Variants in RNF2 observed in about 807,000 individuals in gnomAD.
RNF2 encodes E3 ubiquitin-protein ligase RING2.
In RNF2, 6 loss-of-function variants were observed where a neutral mutation model predicts 37.2. The observed-to-expected ratio is 0.16, with a 90% CI of 0.09 to 0.32. RNF2 has a LOEUF of 0.32. Among genes scored for constraint, RNF2 ranks in the 10% least tolerant of loss-of-function variants. The pLI, the probability that RNF2 is intolerant of heterozygous loss-of-function variation, is 1.00. For missense variants in RNF2, 251 were observed against 404.0 expected (o/e 0.62, Z 3.25); for synonymous variants, 133 against 132.7 (o/e 1.00, Z -0.02).
At chr1:185,062,844 A>G (rs1164168940) in intron 1 of RNF2, among the ~76,000 whole-genome samples, 3 of 150,824 alleles carry the variant, frequency 2.0e-5, no homozygotes, top group Non-Finnish European at 1.5e-5. Context: ...TAAAGCTGTG[A>G]AAAGATACTG....
At chr1:185,096,959 T>C (rs1651930373) in intron 4 of RNF2, among the ~76,000 whole-genome samples, 1 of 152,058 alleles carries the variant, frequency 6.6e-6, no homozygotes, top group Admixed American at 6.6e-5. Flanking sequence ...CATTCTTTCA[T>C]ATTTCTTTTT....
rs1203496295 is a variant in RNF2, at chr1:185,087,566, G to T, written c.13G>T (p.Val5Leu). The T allele has an allele frequency of 2.5e-6, 4 of 1,614,028 alleles. No homozygotes were observed. In the South Asian group the frequency reaches 4.4e-5, roughly 18 times the overall value. Reference sequence around the variant, plus strand: ...TTTATTTCCAGCAATGTCTCAGGCTGTGCAGACAAACGGAACTCAACCATT... The same window carrying T: ...TTTATTTCCAGCAATGTCTCAGGCTTTGCAGACAAACGGAACTCAACCATT... MSQA[V>L]QTNGTQPLSK... Residue 5 changes from valine (V) to leucine (L), a missense_variant, in exon 2 of 7, where the codon GTG (valine) becomes TTG (leucine). This residue lies in a region of RNF2 where 43 missense variants were observed against 82.7 expected (regional missense o/e 0.52). Coordinates refer to ENST00000367510, the MANE Select transcript of RNF2 (RefSeq NM_007212.4).
chr1:185,097,199 G>A (rs1651936238), intron 4 of RNF2, among the ~76,000 whole-genome samples: 1 of 152,172 alleles, frequency 6.6e-6, no homozygotes, highest in Non-Finnish European at 1.5e-5. Context: ...AAGATTGTAT[G>A]TATAAAGTGC....
intron 1 of RNF2, among the ~76,000 whole-genome samples, chr1:185,057,806 A>G (rs74134410): frequency 0.026 from 2,525 of 97,794 alleles, 34 homozygotes; most frequent in African/African-American, 0.066. Flanking sequence ...TCTAAAGGGG[A>G]AAAAAAAAAA....
At chr1:185,076,647 T>G (rs1212047619) in intron 1 of RNF2, among the ~76,000 whole-genome samples, 1 of 151,904 alleles carries the variant, frequency 6.6e-6, no homozygotes, top group Non-Finnish European at 1.5e-5. Flanking sequence ...ACTTATTTGT[T>G]TAGGTATCTG....
intron 1 of RNF2, among the ~76,000 whole-genome samples, chr1:185,047,162 T>C (rs546750513): frequency 6.6e-6 from 1 of 152,366 alleles, no homozygotes; most frequent in East Asian, 1.9e-4. Context: ...ATTGTAGTTA[T>C]TTTCCTCAGG....
chr1:185,056,533 T>A lies in RNF2; in HGVS notation c.-3+10884T>A, dbSNP rs182091622. 1.8e-3 allele frequency among the ~76,000 whole-genome samples: 245 copies of A among 135,478 alleles called. 1 individual carries two copies. Among genetic ancestry groups the A allele is most frequent in the African/African-American group, 6.3e-3 (232 of 36,966 alleles). 88.9% of individuals were successfully genotyped at this position (135,478 alleles called of 152,430 possible). ...ACCATCACACCTGGCTCATTTATTT[T>A]TTTTTATTTTTTATTTTTGTAGAGA... On this transcript the variant is annotated intron_variant, in intron 1 of 6. Coordinates refer to ENST00000367510, the MANE Select transcript of RNF2 (RefSeq NM_007212.4).
intron 1 of RNF2, among the ~76,000 whole-genome samples, chr1:185,058,043 G>A (rs991542404): frequency 6.6e-5 from 10 of 152,106 alleles, no homozygotes; most frequent in African/African-American, 2.2e-4. Flanking sequence ...GAACATCACC[G>A]GAGCCTGGGA....
chr1:185,085,595 T>C (rs1174153646), intron 1 of RNF2, among the ~76,000 whole-genome samples: 2 of 152,180 alleles, frequency 1.3e-5, no homozygotes, highest in Non-Finnish European at 2.9e-5. Context: ...CTTTCTAGTC[T>C]TCTACCTTCT....
intron 1 of RNF2, among the ~76,000 whole-genome samples, chr1:185,048,867 G>A (rs1357528481): frequency 2.6e-5 from 4 of 152,140 alleles, no homozygotes; most frequent in Admixed American, 2.6e-4. Flanking sequence ...GTTTCTTGGT[G>A]TTTCTTTGAG....
chr1:185,101,655 G>C lies in RNF2; in HGVS notation c.*1354G>C, dbSNP rs1393358822. On this transcript the variant is annotated 3_prime_UTR_variant, in exon 7 of 7. Coordinates refer to ENST00000367510, the MANE Select transcript of RNF2 (RefSeq NM_007212.4). ...CCTAAAGGGTTTTCAATAGGGTGTA[G>C]ACCTCCAGTACCTTTGTAACTAAAG... 1 of 152,204 alleles carries C rather than the reference G, an allele frequency of 6.6e-6. No homozygotes were observed. The highest frequency in any genetic ancestry group is 2.4e-5 in the African/African-American group (1 of 41,396). 9.4% of individuals were successfully genotyped at this position (152,204 alleles called of 1,614,324 possible).
At chr1:185,085,660 T>A (rs757071210) in intron 1 of RNF2, among the ~76,000 whole-genome samples, 49 of 144,786 alleles carry the variant, frequency 3.4e-4, no homozygotes, top group Non-Finnish European at 6.5e-4. Context: ...TGTTTAAAAC[T>A]TTTTTTTTTT....
At chr1:185,084,923 G>A (rs1421268569) in intron 1 of RNF2, among the ~76,000 whole-genome samples, 2 of 152,086 alleles carry the variant, frequency 1.3e-5, no homozygotes, top group East Asian at 3.9e-4. Flanking sequence ...GTTAGCTCCA[G>A]AGTACAGGAA....
At chr1:185,081,508 C>T (rs927609342) in intron 1 of RNF2, among the ~76,000 whole-genome samples, 1 of 149,690 alleles carries the variant, frequency 6.7e-6, no homozygotes, top group Non-Finnish European at 1.5e-5. Context: ...ATTATCCTGC[C>T]TCAGCCTCCT....
At chr1:185,096,228 G>A (rs1026037121) in intron 4 of RNF2, among the ~76,000 whole-genome samples, 46 of 151,902 alleles carry the variant, frequency 3.0e-4, no homozygotes, top group Admixed American at 2.9e-3. Flanking sequence ...ATTTTAGCCC[G>A]TTCATACCTT....
At chr1:185,073,808 GT>G (rs1184752201) in intron 1 of RNF2, among the ~76,000 whole-genome samples, 5 of 152,172 alleles carry the variant, frequency 3.3e-5, no homozygotes, top group Admixed American at 6.5e-5. Context: ...TAAATATGTG[GT>G]TTTTTGCTAC....
chr1:185,062,691 A>G (rs1378001504), intron 1 of RNF2, among the ~76,000 whole-genome samples: 2 of 152,162 alleles, frequency 1.3e-5, no homozygotes, highest in African/African-American at 4.8e-5. Context: ...CAAAGCAGCA[A>G]ACTGGGGAAA....
rs1476266580 is a variant in RNF2, at chr1:185,102,350, C to G, written c.*2049C>G. ...ATTACCTAAGTAATTTCTTTTATCA[C>G]TATCTCAACTGAGGAAGAAAAGGCT... On this transcript the variant is annotated 3_prime_UTR_variant, in exon 7 of 7. Transcript: ENST00000367510. The G allele has an allele frequency of 6.6e-6, 1 of 152,176 alleles. No homozygotes were observed. The highest frequency in any genetic ancestry group is 1.5e-5 in the Non-Finnish European group (1 of 68,020). 9.4% of individuals were successfully genotyped at this position (152,176 alleles called of 1,614,324 possible).
chr1:185,086,360 GT>G (rs972064832), intron 1 of RNF2, among the ~76,000 whole-genome samples: 5 of 151,842 alleles, frequency 3.3e-5, no homozygotes, highest in Admixed American at 1.3e-4. Flanking sequence ...ACAAGAGTGA[GT>G]TTTTTTTATC....
Sources: gnomAD v4.1 joint callset for allele counts (sites outside exome capture counted in the v4.1 genomes callset) on GRCh38, gnomAD v4.1.1 for gene constraint, gnomAD v4.1.1 regional missense constraint, MANE v1.5 for transcripts, NCBI Gene and HGNC (gene_info 2026-07-23, HGNC 2026-07-21) for gene names.